The following JAKMIP3 variants were observed in gnomAD, a reference collection of about 807,000 sequenced individuals.
JAKMIP3 encodes Janus kinase and microtubule interacting protein 3, also known as janus kinase and microtubule-interacting protein 3.
A neutral mutation model predicts 118.5 loss-of-function variants in JAKMIP3; 58 were observed. The observed-to-expected ratio is 0.49, with a 90% confidence interval of 0.40 to 0.61. JAKMIP3 has a LOEUF of 0.61. JAKMIP3 is among the 20% of genes least tolerant of loss of function. The pLI is 0.00. For missense variants in JAKMIP3, 950 were observed against 1,109.0 expected, an observed-to-expected ratio of 0.86 and a Z score of 2.04; for synonymous variants, 486 against 451.2, an observed-to-expected ratio of 1.08 and a Z score of -0.98.
intron 1 of JAKMIP3, among the ~76,000 whole-genome samples, chr10:132,042,051 G>T (rs1234654915): frequency 6.6e-6 from 1 of 151,728 alleles, no homozygotes; most frequent in African/African-American, 2.4e-5. Flanking sequence ...ATTTTTAATA[G>T]AGTGGGGGTT....
At chr10:132,039,030 C>T (rs991493654) in intron 1 of JAKMIP3, among the ~76,000 whole-genome samples, 1 of 152,114 alleles carries the variant, frequency 6.6e-6, no homozygotes, top group Non-Finnish European at 1.5e-5. Flanking sequence ...AGGCTCAGGC[C>T]ACATCAAGGA....
At chr10:132,058,982 C>T (rs546512690) in intron 1 of JAKMIP3, among the ~76,000 whole-genome samples, 2 of 152,338 alleles carry the variant, frequency 1.3e-5, no homozygotes, top group East Asian at 1.9e-4. Flanking sequence ...TTCACGCCAC[C>T]GAGGACTGTC....
rs533827156 is a variant in JAKMIP3 at position 132,100,848 on chromosome 10, G to A, written c.-137-3824G>A. The stretch of plus-strand genomic sequence containing the variant: ...ATGAGGAACCCCTGCCGCGCTCCCC[G>A]TTCTCTCTGCATGAGGAACCCCAGC... On this transcript the variant is annotated intron_variant, in intron 1 of 23. Coordinates refer to ENST00000684848, the MANE Select transcript of JAKMIP3 (RefSeq NM_001323087.2). Among the ~76,000 whole-genome samples, 41 of 151,702 alleles carry A rather than the reference G, an allele frequency of 2.7e-4. 1 individual carries two copies. The South Asian group carries it at 4.0e-3, about 15-fold the overall frequency.
chr10:132,159,170 TCCTGTGTGATGTTGTGGGGGCATCTCTC>T (rs1564980370), intron 19 of JAKMIP3, among the ~76,000 whole-genome samples: 26 of 44,118 alleles, frequency 5.9e-4, no homozygotes, highest in Non-Finnish European at 9.0e-4. Context: ...GGGTATCTCT[TCCTGTGTGATGTTGTGGGGGCATCTCTC>T]CCTGTGTGAT....
chr10:132,149,554 T>TCTCCGCCCCCGCCCCACCCCCTCTCCG, intron 15 of JAKMIP3, 44 bp downstream of exon 15: 2 of 530,844 alleles, frequency 3.8e-6, no homozygotes, highest in Non-Finnish European at 2.5e-6. Flanking sequence ...ACCTCACCCA[T>TCTCCGCCCCCGCCCCACCCCCTCTCCG]CCCCCGCCCC....
At chr10:132,122,425 A>G (rs2048729784) in intron 3 of JAKMIP3, among the ~76,000 whole-genome samples, 1 of 152,256 alleles carries the variant, frequency 6.6e-6, no homozygotes, top group Non-Finnish European at 1.5e-5. Context: ...GGCTGTTGCC[A>G]TCTCAGGAGC....
At chr10:132,038,342 A>C (rs1434664472) in intron 1 of JAKMIP3, among the ~76,000 whole-genome samples, 4 of 152,206 alleles carry the variant, frequency 2.6e-5, no homozygotes, top group African/African-American at 9.6e-5. Flanking sequence ...CACAACCCCC[A>C]CGGCAGTCAG....
intron 1 of JAKMIP3, among the ~76,000 whole-genome samples, chr10:132,090,837 C>T (rs964961707): frequency 5.9e-5 from 9 of 152,140 alleles, no homozygotes; most frequent in Non-Finnish European, 1.3e-4. Context: ...TTCTTGTGGG[C>T]ATTTAGTGCC....
At chr10:132,133,568 G>GACA in intron 4 of JAKMIP3, 41 bp downstream of exon 4, 1 of 1,525,220 alleles carries the variant, frequency 6.6e-7, no homozygotes, top group Non-Finnish European at 8.9e-7. Context: ...CCGTGTCACA[G>GACA]ACAGACCTGG....
intron 1 of JAKMIP3, among the ~76,000 whole-genome samples, chr10:132,046,072 T>C (rs73393899): frequency 0.12 from 18,184 of 152,082 alleles, 1,232 homozygotes; most frequent in African/African-American, 0.16. Flanking sequence ...TTACAGAACA[T>C]AGCCATCAGC....
intron 15 of JAKMIP3, 22 bp downstream of exon 15, chr10:132,149,532 C>T: frequency 7.9e-7 from 1 of 1,261,480 alleles, no homozygotes; most frequent in Non-Finnish European, 1.1e-6. Flanking sequence ...CCCTCCTGCC[C>T]ACTCCGCCCC....
intron 1 of JAKMIP3, among the ~76,000 whole-genome samples, chr10:132,097,509 T>G (rs545807137): frequency 3.3e-5 from 5 of 152,020 alleles, no homozygotes; most frequent in African/African-American, 7.2e-5. Flanking sequence ...AATTATGTAG[T>G]TGGGGAGCAG....
chr10:132,180,534 T>TGTGTGTGTGTGTGTGTGTGC lies in JAKMIP3; in HGVS notation c.*1104-1812_*1104-1811insTGTGTGTGCGTGTGTGTGTG, dbSNP rs1554962694. Among the ~76,000 whole-genome samples the TGTGTGTGTGTGTGTGTGTGC allele has an allele frequency of 1.2e-4, 4 of 33,224 alleles. 2 individuals carry two copies. Among genetic ancestry groups the TGTGTGTGTGTGTGTGTGTGC allele is most frequent in the Non-Finnish European group, 2.1e-4 (4 of 19,140 alleles). 21.8% of individuals were successfully genotyped at this position (33,224 alleles called of 152,430 possible). A position where few individuals can be genotyped will look rare whatever the true frequency, so the allele number is the denominator to read the frequency against. On this transcript the variant is annotated intron_variant, in intron 23 of 23. Coordinates refer to ENST00000684848, the MANE Select transcript of JAKMIP3 (RefSeq NM_001323087.2). ...ACCTGGAAGCAGAACTGTGTGTGTG[T>TGTGTGTGTGTGTGTGTGTGC]GTGTGTGTGTGCGTGCGTGCATGCG... is the stretch of plus-strand genomic sequence containing the variant.
chr10:132,163,810 C>T (rs1003127236), intron 20 of JAKMIP3, among the ~76,000 whole-genome samples: 1 of 152,192 alleles, frequency 6.6e-6, no homozygotes, highest in African/African-American at 2.4e-5. Flanking sequence ...TCTTTTGGAC[C>T]CCTGGGTACT....
chr10:132,071,876 CTTCCTTTCTTTCT>C (rs1297143825), intron 1 of JAKMIP3, among the ~76,000 whole-genome samples: 2 of 41,844 alleles, frequency 4.8e-5, no homozygotes, highest in Non-Finnish European at 1.0e-4. Flanking sequence ...TCTTTCTTTC[CTTCCTTTCTTTCT>C]TTCCTTTCTT....
In JAKMIP3 at chr10:132,132,476, G is replaced by A. The variant is rs968837735; in HGVS notation, c.634-836G>A. Among the ~76,000 whole-genome samples, 165 of 152,136 alleles carry A rather than the reference G, an allele frequency of 1.1e-3. 2 individuals are homozygous for A. Among genetic ancestry groups the A allele is most frequent in the Non-Finnish European group, 1.9e-4 (13 of 68,030 alleles). ...TGCCCGGAAGCGGGGCGGGGTACTT[G>A]CAGGCAGCGGCTGCCATATCCCCGG... On this transcript the variant is annotated intron_variant, in intron 3 of 23. Transcript: ENST00000684848.
intron 21 of JAKMIP3, among the ~76,000 whole-genome samples, chr10:132,166,704 T>TG (rs1387636883): frequency 6.6e-6 from 1 of 152,206 alleles, no homozygotes; most frequent in Non-Finnish European, 1.5e-5. Context: ...CTTGTGGTGC[T>TG]GGGGACACGC....
At chr10:132,128,961 T>C (rs930627484) in intron 3 of JAKMIP3, among the ~76,000 whole-genome samples, 2 of 152,248 alleles carry the variant, frequency 1.3e-5, no homozygotes, top group South Asian at 4.1e-4. Context: ...TAGTCATCTG[T>C]TGATGTGCTG....
rs557403219 is a variant in JAKMIP3, at chr10:132,152,308, G to A, written c.2008-650G>A. Among the ~76,000 whole-genome samples, 211 of 152,292 alleles carry A rather than the reference G, an allele frequency of 1.4e-3. 2 individuals are homozygous for A. Among genetic ancestry groups the A allele is most frequent in the African/African-American group, 5.0e-3 (206 of 41,564 alleles). ...ATGGACAGGGCTTTTGGAGTGAGCT[G>A]GCAAGAATCAGAGAGGCCCCACGAG... On this transcript the variant is annotated intron_variant, in intron 16 of 23. Coordinates refer to ENST00000684848, the MANE Select transcript of JAKMIP3 (RefSeq NM_001323087.2).
Sources: gnomAD v4.1 joint callset for allele counts (sites outside exome capture counted in the v4.1 genomes callset) on GRCh38, gnomAD v4.1.1 for gene constraint, MANE v1.5 for transcripts, NCBI Gene and HGNC (gene_info 2026-07-23, HGNC 2026-07-21) for gene names.